Variants in EPC2 observed in about 807,000 individuals in gnomAD.
The protein encoded by EPC2 is enhancer of polycomb homolog 2.
EPC2 carries 14 observed loss-of-function variants against 92.1 expected under a neutral mutation model. The observed-to-expected ratio is 0.15, with a 90% CI of 0.10 to 0.24. The LOEUF is 0.24. Among genes scored for constraint, EPC2 ranks in the 10% least tolerant of loss-of-function variants. The probability of loss-of-function intolerance (pLI) is 1.00; values close to 1 mark genes in which losing one functional copy is unlikely to be tolerated. For synonymous variants in EPC2, 340 were observed against 334.7 expected, an observed-to-expected ratio of 1.02 and a Z score of -0.17; for missense variants, 755 against 971.5, an observed-to-expected ratio of 0.78 and a Z score of 2.96.
At chr2:148,697,998 A>G (rs970223879) in intron 2 of EPC2, among the ~76,000 whole-genome samples, 5 of 152,170 alleles carry the variant, frequency 3.3e-5, no homozygotes, top group African/African-American at 1.2e-4. Context: ...TGGACCACGT[A>G]GGACCTCAGT....
chr2:148,705,975 G>A (rs2121431), intron 2 of EPC2, among the ~76,000 whole-genome samples: 7,088 of 152,212 alleles, frequency 0.047, 183 homozygotes, highest in Middle Eastern at 0.061. Flanking sequence ...CACCAGCAAC[G>A]GAACAAAGCT....
At chr2:148,695,577 C>T (rs1004103678) in intron 2 of EPC2, among the ~76,000 whole-genome samples, 4 of 152,180 alleles carry the variant, frequency 2.6e-5, no homozygotes, top group Non-Finnish European at 5.9e-5. Context: ...TCTCATTATC[C>T]TTGGAAATGT....
At chr2:148,729,612 C>G (rs1016450988) in intron 2 of EPC2, among the ~76,000 whole-genome samples, 3 of 152,020 alleles carry the variant, frequency 2.0e-5, no homozygotes, top group Non-Finnish European at 4.4e-5. Context: ...TGTCCTTCAC[C>G]CAGTTTTCCA....
At chr2:148,722,783 C>A (rs540112413) in intron 2 of EPC2, among the ~76,000 whole-genome samples, 74 of 152,260 alleles carry the variant, frequency 4.9e-4, no homozygotes, top group Non-Finnish European at 9.9e-4. Flanking sequence ...AAATGCCTAT[C>A]AACAGTAGAC....
intron 1 of EPC2, among the ~76,000 whole-genome samples, chr2:148,662,247 A>G (rs1680952212): frequency 6.6e-6 from 1 of 152,092 alleles, no homozygotes; most frequent in Admixed American, 6.5e-5. Flanking sequence ...ACCATTGTGG[A>G]AGTCAGTGTG....
chr2:148,761,898 A>G lies in EPC2; in HGVS notation c.783A>G (p.Leu261=), dbSNP rs1683306019. 6.3e-7 allele frequency: 1 copy of G among 1,598,404 alleles called. No individual in the cohort carries two copies. Among genetic ancestry groups the G allele is most frequent in the African/African-American group, 1.4e-5 (1 of 73,994 alleles). The part of the protein sequence containing the change: ...IKRREKTKRE[L]LHLTLEVVEK... ...GAAGAGAGAAAACAAAACGAGAATTATTGCACTTAACCTTAGAAGTTGTGG... is the reference window on the plus strand; with the variant it reads ...GAAGAGAGAAAACAAAACGAGAATTGTTGCACTTAACCTTAGAAGTTGTGG... Residue 261 remains leucine, a synonymous_variant, in exon 5 of 14, where the codon TTA becomes TTG. Transcript: ENST00000258484.
chr2:148,740,734 C>G (rs1682866064), intron 2 of EPC2, among the ~76,000 whole-genome samples: 3 of 152,154 alleles, frequency 2.0e-5, no homozygotes, highest in Admixed American at 1.3e-4. Flanking sequence ...TTGAAAACTT[C>G]TGTTTAACTT....
chr2:148,671,442 T>A (rs1020132468), intron 1 of EPC2, among the ~76,000 whole-genome samples: 1 of 152,000 alleles, frequency 6.6e-6, no homozygotes, highest in African/African-American at 2.4e-5. Flanking sequence ...GGTGAAACCC[T>A]GTCTCTACTA....
chr2:148,655,226 A>G (rs1214332767), intron 1 of EPC2, among the ~76,000 whole-genome samples: 1 of 152,196 alleles, frequency 6.6e-6, no homozygotes, highest in Non-Finnish European at 1.5e-5. Flanking sequence ...AATAACCCCA[A>G]AATGCTTCCT....
rs527382834 is a variant in EPC2, at chr2:148,786,646, A to G, written c.*269A>G. Reference sequence around the variant, plus strand: ...TCATGCTTTTGCACTTGAATTTGCAACTGAATGGATTTTAAAAAATAATTC... The same window carrying G: ...TCATGCTTTTGCACTTGAATTTGCAGCTGAATGGATTTTAAAAAATAATTC... On this transcript the variant is annotated 3_prime_UTR_variant, in exon 14 of 14. Transcript: ENST00000258484. 1.8e-5 allele frequency: 5 copies of G among 277,910 alleles called. No homozygotes were observed. The highest frequency in any genetic ancestry group is 8.8e-5 in the African/African-American group (4 of 45,482). The allele number at this position is 277,910 out of a possible 1,614,324, so 17.2% of individuals were successfully genotyped here. A position where few individuals can be genotyped will look rare whatever the true frequency, so the allele number is the denominator to read the frequency against.
At chr2:148,783,864 C>G in intron 12 of EPC2, 108 bp downstream of exon 12, 1 of 1,090,432 alleles carries the variant, frequency 9.2e-7, no homozygotes, top group Non-Finnish European at 1.3e-6. Context: ...ATAAGTCAAT[C>G]AGGACTCTTT....
chr2:148,696,231 T>G (rs6735328), intron 2 of EPC2, among the ~76,000 whole-genome samples: 21,246 of 152,190 alleles, frequency 0.14, 2,434 homozygotes, highest in East Asian at 0.46. Context: ...GGAGGATCAC[T>G]TGAGTCCAGA....
At chr2:148,663,464 C>T (rs915954031) in intron 1 of EPC2, among the ~76,000 whole-genome samples, 16 of 151,442 alleles carry the variant, frequency 1.1e-4, no homozygotes, top group Admixed American at 5.3e-4. Flanking sequence ...GTGACCCACC[C>T]GCCTTGGCCT....
intron 2 of EPC2, among the ~76,000 whole-genome samples, chr2:148,707,338 G>A (rs893801025): frequency 1.3e-5 from 2 of 152,072 alleles, no homozygotes; most frequent in African/African-American, 2.4e-5. Context: ...GAGCACCCAG[G>A]TTCATAAAGC....
chr2:148,739,186 A>T (rs557429902), intron 2 of EPC2, among the ~76,000 whole-genome samples: 1 of 152,378 alleles, frequency 6.6e-6, no homozygotes, highest in East Asian at 1.9e-4. Context: ...GAATGGAAAT[A>T]TGGAGAATAA....
At position 148,729,140 on chromosome 2, in the gene EPC2, C is replaced by T. The variant is rs190437324; in HGVS notation, c.314-14482C>T. ...GGATAACTGTGAACAAATAGAATTT[C>T]ATAGAGATGTGATGATATCTGTTAC... On this transcript the variant is annotated intron_variant, in intron 2 of 13. Transcript: ENST00000258484. Among the ~76,000 whole-genome samples, 283 of 147,392 alleles carry T rather than the reference C, an allele frequency of 1.9e-3. 1 individual carries two copies. The highest frequency in any genetic ancestry group is 0.016 in the Admixed American group (240 of 14,762).
chr2:148,752,002 C>T (rs1683089582), intron 3 of EPC2, among the ~76,000 whole-genome samples: 1 of 152,088 alleles, frequency 6.6e-6, no homozygotes, highest in Non-Finnish European at 1.5e-5. Context: ...TTTAACAACA[C>T]GGCAATACAC....
intron 10 of EPC2, among the ~76,000 whole-genome samples, chr2:148,781,200 T>C (rs903917140): frequency 6.6e-6 from 1 of 152,216 alleles, no homozygotes; most frequent in East Asian, 1.9e-4. Context: ...ACTTCAGTGT[T>C]TTATGAAACC....
chr2:148,751,347 C>T (rs761274591), intron 3 of EPC2, among the ~76,000 whole-genome samples: 2 of 151,914 alleles, frequency 1.3e-5, no homozygotes, highest in Middle Eastern at 3.2e-3. Context: ...AGAAGAAAAG[C>T]CTATATGGTA....
Sources: gnomAD v4.1 joint callset for allele counts (sites outside exome capture counted in the v4.1 genomes callset) on GRCh38, gnomAD v4.1.1 for gene constraint, MANE v1.5 for transcripts, NCBI Gene and HGNC (gene_info 2026-07-23, HGNC 2026-07-21) for gene names.